Variants in SLC25A25 observed in about 807,000 individuals in gnomAD.
SLC25A25 encodes mitochondrial adenyl nucleotide antiporter SLC25A25.
In SLC25A25, 32 loss-of-function variants were observed where a neutral mutation model predicts 57.7. The ratio of observed to expected loss-of-function variants is 0.55; its 90% CI spans 0.42 to 0.74. The LOEUF (loss-of-function observed/expected upper bound fraction) is 0.74. Ranked by LOEUF, SLC25A25 falls within the 30% of genes least tolerant of loss-of-function variation. The probability of loss-of-function intolerance (pLI) is 0.00; values close to 1 mark genes in which losing one functional copy is unlikely to be tolerated. For synonymous variants in SLC25A25, 306 were observed against 291.2 expected, an observed-to-expected ratio of 1.05 and a Z score of -0.52; for missense variants, 556 against 701.3, an observed-to-expected ratio of 0.79 and a Z score of 2.34.
At chr9:128,092,041 A>T in intron 1 of SLC25A25, 1 of 1,613,976 alleles carries the variant, frequency 6.2e-7, no homozygotes, top group Non-Finnish European at 8.5e-7. Flanking sequence ...CCACGGAAAA[A>T]AGACCCACCA....
At chr9:128,084,543 C>G (rs1389917267) in intron 1 of SLC25A25, among the ~76,000 whole-genome samples, 1 of 152,126 alleles carries the variant, frequency 6.6e-6, no homozygotes, top group East Asian at 1.9e-4. Flanking sequence ...TCTTTGAACC[C>G]ACCTATGATC....
Position 128,108,263 on chromosome 9 carries a change from G to C in SLC25A25, c.*819G>C. On this transcript the variant is annotated 3_prime_UTR_variant, in exon 11 of 11. Coordinates refer to ENST00000373069, the MANE Select transcript of SLC25A25 (RefSeq NM_001330988.2). ...CATGTTTGAGGGCGAAGGGCAGAGC[G>C]TTTGTGTGTTCTGGGGAGGGAAGGA... The C allele has an allele frequency of 2.5e-6, 1 of 399,234 alleles. No homozygotes were observed. The highest frequency in any genetic ancestry group is 4.4e-6 in the Non-Finnish European group (1 of 226,164). The allele number at this position is 399,234 out of a possible 1,614,324, so 24.7% of individuals were successfully genotyped here.
rs913652624 is a variant in SLC25A25 at position 128,108,229 on chromosome 9, G to C, written c.*785G>C. 2.5e-6 allele frequency: 1 copy of C among 399,202 alleles called. No individual in the cohort carries two copies. The highest frequency in any genetic ancestry group is 2.1e-5 in the African/African-American group (1 of 48,648). The allele number at this position is 399,202 out of a possible 1,614,324, so 24.7% of individuals were successfully genotyped here. On this transcript the variant is annotated 3_prime_UTR_variant, in exon 11 of 11. Transcript: ENST00000373069. Reference sequence around the variant, plus strand: ...CTGTCCCCACTGTGGCATGAGGGCAGTGGAGCACCATGTTTGAGGGCGAAG... The same window carrying C: ...CTGTCCCCACTGTGGCATGAGGGCACTGGAGCACCATGTTTGAGGGCGAAG...
chr9:128,087,082 G>A (rs1833292915), intron 1 of SLC25A25, among the ~76,000 whole-genome samples: 2 of 151,920 alleles, frequency 1.3e-5, no homozygotes, highest in Non-Finnish European at 2.9e-5. Flanking sequence ...GGGTATGGTG[G>A]CGGGTGCCTG....
At chr9:128,076,456 ATTT>A (rs746009963) in intron 1 of SLC25A25, among the ~76,000 whole-genome samples, 77 of 129,506 alleles carry the variant, frequency 5.9e-4, no homozygotes, top group East Asian at 2.5e-3. Context: ...TTTTATTTTT[ATTT>A]TTATTTTTAT....
intron 1 of SLC25A25, chr9:128,094,181 G>C (rs1196622279): frequency 6.6e-6 from 1 of 152,116 alleles, no homozygotes; most frequent in African/African-American, 2.4e-5. Context: ...TTGGTTCTCG[G>C]GCTTCTCAGT....
chr9:128,093,707 A>AC (rs1564186626), intron 1 of SLC25A25, among the ~76,000 whole-genome samples: 1 of 152,252 alleles, frequency 6.6e-6, no homozygotes, highest in Admixed American at 6.5e-5. Flanking sequence ...TAGACCAAGA[A>AC]CTGGAGTAAC....
intron 1 of SLC25A25, among the ~76,000 whole-genome samples, chr9:128,088,431 C>T (rs548512735): frequency 2.0e-5 from 3 of 152,200 alleles, no homozygotes; most frequent in African/African-American, 4.8e-5. Flanking sequence ...CTCTCCTCTC[C>T]GGCGCTTTGT....
chr9:128,071,317 A>G (rs10760529), intron 1 of SLC25A25, among the ~76,000 whole-genome samples: 147,505 of 152,296 alleles, frequency 0.97, 71,626 homozygotes, highest in Middle Eastern at 1. Context: ...CTTTGACTCC[A>G]TGACAGATCT....
chr9:128,105,707 A>G, intron 6 of SLC25A25, 22 bp from the exon 7 acceptor site: 1 of 1,611,784 alleles, frequency 6.2e-7, no homozygotes, highest in Non-Finnish European at 8.5e-7. Context: ...GGTCCGTCTG[A>G]CTGTTCGGTC....
At position 128,068,364 on chromosome 9, in the gene SLC25A25, G is replaced by A. The variant is rs749902845; in HGVS notation, c.45G>A (p.Pro15=). 2 of 1,543,198 alleles carry A rather than the reference G, an allele frequency of 1.3e-6. No individual in the cohort carries two copies. The highest frequency in any genetic ancestry group is 2.3e-5 in the South Asian group (2 of 85,376). ...GCCGCTGTGTGGCCTCCCCGCCGCCGGACGCCGCCGCCACCGCCGCCTCTT... is the reference window on the plus strand; with the variant it reads ...GCCGCTGTGTGGCCTCCCCGCCGCCAGACGCCGCCGCCACCGCCGCCTCTT... ...VLCRCVASPP[P]DAAATAASSS... Residue 15 remains proline (P), a synonymous_variant, in exon 1 of 11, where the codon CCG becomes CCA. Coordinates refer to ENST00000373069, the MANE Select transcript of SLC25A25 (RefSeq NM_001330988.2).
chr9:128,091,569 A>AAAT, intron 1 of SLC25A25: 6 of 1,039,394 alleles, frequency 5.8e-6, no homozygotes, highest in East Asian at 7.4e-5. Context: ...TTTAAAAAAA[A>AAAT]GCCAAACGTT....
At chr9:128,098,599 C>A (rs150615663) in intron 1 of SLC25A25, 1 of 1,613,924 alleles carries the variant, frequency 6.2e-7, no homozygotes. Flanking sequence ...TGCCGGTCAT[C>A]GGGGAAGCCC....
chr9:128,103,936 T>TG lies in SLC25A25; in HGVS notation c.783+100dup, dbSNP rs1833912258. 7.5e-7 allele frequency: 1 copy of TG among 1,336,292 alleles called. No individual in the cohort carries two copies. The highest frequency in any genetic ancestry group is 1.5e-5 in the African/African-American group (1 of 67,420). 82.8% of individuals were successfully genotyped at this position (1,336,292 alleles called of 1,614,324 possible). A position where few individuals can be genotyped will look rare whatever the true frequency, so the allele number is the denominator to read the frequency against. ...CCCTTTCTCTGGCTGGTGCCTGCTTTGGGCCCAAACTTTTCTAACCCAATA... is the reference window on the plus strand; with the variant it reads ...CCCTTTCTCTGGCTGGTGCCTGCTTTGGGGCCCAAACTTTTCTAACCCAATA... On this transcript the variant is annotated intron_variant, in intron 6 of 10. Transcript: ENST00000373069. The surrounding 1 kb of genome is among the most constrained non-coding windows in gnomAD (Gnocchi z 6.7).
At chr9:128,077,516 T>TAAAAAAAAAA (rs567869070) in intron 1 of SLC25A25, among the ~76,000 whole-genome samples, 7 of 100,362 alleles carry the variant, frequency 7.0e-5, no homozygotes, top group African/African-American at 9.9e-5. Flanking sequence ...GACTCCGTCT[T>TAAAAAAAAAA]AAAAAAAAAA....
chr9:128,082,083 T>G (rs1437629222), intron 1 of SLC25A25, among the ~76,000 whole-genome samples: 1 of 152,214 alleles, frequency 6.6e-6, no homozygotes, highest in Non-Finnish European at 1.5e-5. Flanking sequence ...GCATTCACCT[T>G]GAACTTGGGA....
chr9:128,068,275 C>A lies in SLC25A25; in HGVS notation c.-45C>A. ...CTCCCGCGCGGTCACCGCCGGCCCG[C>A]CGCCCCCGCTCCCGCCCGCGCCCGG... is the stretch of plus-strand genomic sequence containing the variant. On this transcript the variant is annotated 5_prime_UTR_variant, in exon 1 of 11. Coordinates refer to ENST00000373069, the MANE Select transcript of SLC25A25 (RefSeq NM_001330988.2). The A allele has an allele frequency of 8.5e-7, 1 of 1,181,726 alleles. No homozygotes were observed. Among genetic ancestry groups the A allele is most frequent in the African/African-American group, 1.6e-5 (1 of 62,228 alleles). The allele number at this position is 1,181,726 out of a possible 1,614,324, so 73.2% of individuals were successfully genotyped here.
rs1805797715 is a variant in SLC25A25, at chr9:128,101,161, T to C, written c.327T>C (p.Tyr109=). ...GQLDFEEFVH[Y]LQDHEKKLRL... is the part of the protein sequence containing the mutation. ...TAGACTTTGAAGAATTTGTCCATTA[T>C]CTCCAAGATCATGAGAAGAAGCTGA... Residue 109 remains tyrosine (Y), a synonymous_variant, in exon 2 of 11, where the codon TAT becomes TAC. Coordinates refer to ENST00000373069, the MANE Select transcript of SLC25A25 (RefSeq NM_001330988.2). The surrounding 1 kb of genome is among the most constrained non-coding windows in gnomAD (Gnocchi z 4.9). The C allele has an allele frequency of 6.2e-7, 1 of 1,614,246 alleles. No individual in the cohort carries two copies.
At chr9:128,085,069 C>G (rs757662035) in intron 1 of SLC25A25, among the ~76,000 whole-genome samples, 1 of 152,178 alleles carries the variant, frequency 6.6e-6, no homozygotes, top group Non-Finnish European at 1.5e-5. Flanking sequence ...GTGGCTCACA[C>G]CTGTAATCCC....
Sources: allele counts gnomAD v4.1 joint callset (sites outside exome capture counted in the v4.1 genomes callset), GRCh38; gene constraint gnomAD v4.1.1; non-coding constraint Gnocchi (gnomAD v3.1); transcripts MANE v1.5; gene names NCBI Gene and HGNC (gene_info 2026-07-23, HGNC 2026-07-21).